Variants in CDK19 observed in about 807,000 individuals in gnomAD.
CDK19 encodes the protein cyclin-dependent kinase 19.
CDK19 carries 20 observed loss-of-function variants against 68.3 expected under a neutral mutation model. That is an observed-to-expected ratio of 0.29 (90% CI 0.21 to 0.43). The LOEUF is 0.43. CDK19 is among the 20% of genes least tolerant of loss of function. The pLI is 1.00. For synonymous variants in CDK19, 221 were observed against 222.8 expected, an observed-to-expected ratio of 0.99 and a Z score of 0.07; for missense variants, 339 against 623.5, an observed-to-expected ratio of 0.54 and a Z score of 4.86.
chr6:110,731,676 A>G (rs1776770505), intron 2 of CDK19, among the ~76,000 whole-genome samples: 1 of 152,196 alleles, frequency 6.6e-6, no homozygotes, highest in Non-Finnish European at 1.5e-5. Context: ...AAAGAGTCTA[A>G]CTGGCTATTT....
At chr6:110,615,000 G>C (rs146959630) in intron 12 of CDK19, among the ~76,000 whole-genome samples, 5 of 152,080 alleles carry the variant, frequency 3.3e-5, no homozygotes, top group African/African-American at 9.7e-5. Context: ...TAACTGAGAC[G>C]TGCAAACAAG....
chr6:110,620,671 G>GC (rs763295483), intron 12 of CDK19, among the ~76,000 whole-genome samples: 1 of 152,094 alleles, frequency 6.6e-6, no homozygotes, highest in Non-Finnish European at 1.5e-5. Context: ...CTCAGTCTTA[G>GC]CCCCCTTCTC....
intron 2 of CDK19, among the ~76,000 whole-genome samples, chr6:110,699,131 T>G (rs1773763362): frequency 6.6e-6 from 1 of 151,376 alleles, no homozygotes; most frequent in African/African-American, 2.4e-5. Context: ...TAATGTCTTT[T>G]CAGAAACTTG....
chr6:110,740,360 G>A (rs138532938), intron 2 of CDK19, among the ~76,000 whole-genome samples: 3 of 152,256 alleles, frequency 2.0e-5, no homozygotes, highest in East Asian at 1.9e-4. Context: ...AAATGCTGAC[G>A]TTCACATGAT....
intron 2 of CDK19, among the ~76,000 whole-genome samples, chr6:110,710,922 GT>G (rs1413611577): frequency 6.6e-6 from 1 of 152,142 alleles, no homozygotes; most frequent in Non-Finnish European, 1.5e-5. Flanking sequence ...TATATTGCAT[GT>G]AAAAAACAAC....
Position 110,621,234 on chromosome 6 carries a change from A to ACCCCGG in CDK19, c.1241_1246dup (p.Ala414_Gly415dup). On this transcript the variant is annotated inframe_insertion, in exon 12 of 13. Coordinates refer to ENST00000368911, the MANE Select transcript of CDK19 (RefSeq NM_015076.5). The surrounding 1 kb of genome is among the most constrained non-coding windows in gnomAD (Gnocchi z 5.4). ...CTGCAACCCTGCTCCGGTGCCCCCG[A>ACCCCGG]CCCCGGCCCCAGCCCCACCTGCGGT... is the stretch of plus-strand genomic sequence containing the variant. 1.9e-6 allele frequency: 3 copies of ACCCCGG among 1,612,804 alleles called. No homozygotes were observed. The highest frequency in any genetic ancestry group is 1.3e-5 in the African/African-American group (1 of 74,914).
intron 4 of CDK19, chr6:110,646,234 T>G: frequency 1.4e-6 from 2 of 1,480,512 alleles, no homozygotes; most frequent in Non-Finnish European, 1.8e-6. Flanking sequence ...CAGGAGCTGC[T>G]GGCTCTGTGG....
chr6:110,806,583 G>A (rs915484956), intron 1 of CDK19, among the ~76,000 whole-genome samples: 9 of 152,106 alleles, frequency 5.9e-5, no homozygotes, highest in African/African-American at 2.2e-4. Context: ...ACTGGAGACA[G>A]CCAATGATGT....
Position 110,610,322 on chromosome 6 carries a change from T to C in CDK19, c.*4213A>G, listed in dbSNP as rs1777955708. The C allele has an allele frequency of 2.6e-5, 4 of 152,636 alleles. No individual in the cohort carries two copies. The highest frequency in any genetic ancestry group is 2.6e-4 in the Admixed American group (4 of 15,274). The allele number at this position is 152,636 out of a possible 1,614,324, so 9.5% of individuals were successfully genotyped here. A position where few individuals can be genotyped will look rare whatever the true frequency, so the allele number is the denominator to read the frequency against. On this transcript the variant is annotated 3_prime_UTR_variant, in exon 13 of 13. Transcript: ENST00000368911. ...ACTAGGCAGTTTAGAAAGGATATACTACATAACATATATAAAAAGTACTTT... is the reference window on the plus strand; with the variant it reads ...ACTAGGCAGTTTAGAAAGGATATACCACATAACATATATAAAAAGTACTTT...
At chr6:110,680,513 AAG>A (rs1323262161) in intron 2 of CDK19, among the ~76,000 whole-genome samples, 1 of 152,216 alleles carries the variant, frequency 6.6e-6, no homozygotes. Context: ...GAAAAAAACA[AAG>A]AAGTTAACTT....
intron 1 of CDK19, among the ~76,000 whole-genome samples, chr6:110,799,720 C>T (rs1415488509): frequency 6.6e-6 from 1 of 152,110 alleles, no homozygotes; most frequent in Non-Finnish European, 1.5e-5. Context: ...ACCTCAGCCC[C>T]CAAGTTAGCT....
chr6:110,746,706 G>A (rs9487506), intron 1 of CDK19, among the ~76,000 whole-genome samples: 2,939 of 152,196 alleles, frequency 0.019, 93 homozygotes, highest in African/African-American at 0.068. Context: ...TCAAAAGCCC[G>A]AGGACCTCAA....
At chr6:110,617,458 G>A (rs1163533576) in intron 12 of CDK19, among the ~76,000 whole-genome samples, 1 of 151,742 alleles carries the variant, frequency 6.6e-6, no homozygotes, top group Non-Finnish European at 1.5e-5. Context: ...CTACATGGCT[G>A]TCTACACTTT....
chr6:110,657,102 C>T (rs1781352245), intron 4 of CDK19, among the ~76,000 whole-genome samples: 2 of 152,170 alleles, frequency 1.3e-5, no homozygotes. Flanking sequence ...TCTTGTTTTA[C>T]TGATGAAGAA....
At chr6:110,638,542 GA>G (rs1779930688) in intron 5 of CDK19, 106 bp downstream of exon 5, 4 of 678,656 alleles carry the variant, frequency 5.9e-6, no homozygotes, top group African/African-American at 1.9e-5. Context: ...AAAATAATGA[GA>G]AAGTAATTTT....
chr6:110,667,590 A>G lies in CDK19; in HGVS notation c.316-16T>C, dbSNP rs962849593. 2.9e-6 allele frequency: 4 copies of G among 1,378,654 alleles called. No homozygotes were observed. Among genetic ancestry groups the G allele is most frequent in the Non-Finnish European group, 4.0e-6 (4 of 1,003,336 alleles). The allele number at this position is 1,378,654 out of a possible 1,614,324, so 85.4% of individuals were successfully genotyped here. ...TAATAATATGCTAAAAATTAAAAAA[A>G]AACATAATAATATAGTCTTTGCTAA... On this transcript the variant is annotated splice_polypyrimidine_tract_variant and intron_variant, in intron 3 of 12. Transcript: ENST00000368911.
At chr6:110,746,676 C>G (rs527686364) in intron 1 of CDK19, among the ~76,000 whole-genome samples, 1 of 152,224 alleles carries the variant, frequency 6.6e-6, no homozygotes, top group East Asian at 1.9e-4. Flanking sequence ...CACACTGTAT[C>G]TCACCTAGCA....
intron 1 of CDK19, among the ~76,000 whole-genome samples, chr6:110,797,203 G>A (rs802678): frequency 0.16 from 23,692 of 151,746 alleles, 2,067 homozygotes; most frequent in East Asian, 0.32. Context: ...AGCCAGGCAC[G>A]GTGGCAGGTG....
Position 110,815,013 on chromosome 6 carries a change from CT to C in CDK19, c.123del (p.Asp42MetfsTer10). The C allele has an allele frequency of 6.2e-7, 1 of 1,604,248 alleles. No homozygotes were observed. The highest frequency in any genetic ancestry group is 8.5e-7 in the Non-Finnish European group (1 of 1,176,014). ...TYGHVYKARR[K>X]DGKDEKEYAL... The stretch of plus-strand genomic sequence containing the variant: ...TCCTCCCGCCCCTGCTCTTACCCAT[CT>C]TTCCGCCTCGCCTTGTAGACGTGAC... On this transcript the variant is annotated frameshift_variant, in exon 1 of 13. Coordinates refer to ENST00000368911, the MANE Select transcript of CDK19 (RefSeq NM_015076.5). LOFTEE classifies it high-confidence loss of function.
Sources: gnomAD v4.1 joint callset for allele counts (sites outside exome capture counted in the v4.1 genomes callset) on GRCh38, gnomAD v4.1.1 for gene constraint, Gnocchi (gnomAD v3.1) non-coding constraint, MANE v1.5 for transcripts, NCBI Gene and HGNC (gene_info 2026-07-23, HGNC 2026-07-21) for gene names.